Variants in RTCA observed in about 807,000 individuals in gnomAD.
The protein encoded by RTCA is RNA terminal phosphate cyclase domain 1.
Under a neutral mutation model 46.1 loss-of-function variants are expected in RTCA, and 37 were observed. That is an observed-to-expected ratio of 0.80 (90% confidence interval 0.62 to 1.06). RTCA has a LOEUF of 1.06. RTCA is among the 50% of genes least tolerant of loss of function. The pLI is 0.00. For synonymous variants in RTCA, 164 were observed against 158.3 expected (o/e 1.04, Z -0.27); for missense variants, 435 against 455.5 (o/e 0.95, Z 0.41).
At chr1:100,288,926 A>G (rs12066043) in intron 10 of RTCA, among the ~76,000 whole-genome samples, 115,768 of 151,724 alleles carry the variant, frequency 0.76, 46,291 homozygotes, top group East Asian at 0.94. Context: ...AGGTTCAAGC[A>G]ATTCTCATGC....
At chr1:100,283,943 A>AG (rs1666876075) in intron 8 of RTCA, among the ~76,000 whole-genome samples, 1 of 140,214 alleles carries the variant, frequency 7.1e-6, no homozygotes, top group African/African-American at 2.7e-5. Flanking sequence ...AAGAAAAAAA[A>AG]AAAAAAGAAA....
intron 4 of RTCA, 129 bp downstream of exon 4, chr1:100,270,809 T>C: frequency 8.3e-7 from 1 of 1,201,358 alleles, no homozygotes; most frequent in Non-Finnish European, 1.2e-6. Context: ...TTTTCTTTCT[T>C]TCTTTCTTTT....
chr1:100,277,487 T>C (rs998025365), intron 8 of RTCA, among the ~76,000 whole-genome samples, 171 bp downstream of exon 8: 1 of 152,248 alleles, frequency 6.6e-6, no homozygotes, highest in Non-Finnish European at 1.5e-5. Context: ...CCCACCTTTA[T>C]ACTTTGGAAA....
At chr1:100,290,635 A>G (rs755998695) in intron 10 of RTCA, among the ~76,000 whole-genome samples, 1 of 152,064 alleles carries the variant, frequency 6.6e-6, no homozygotes, top group African/African-American at 2.4e-5. Context: ...GCATGGTGGC[A>G]TGTGCCTGTG....
At chr1:100,281,640 A>G (rs561694569) in intron 8 of RTCA, among the ~76,000 whole-genome samples, 1 of 152,188 alleles carries the variant, frequency 6.6e-6, no homozygotes, top group South Asian at 2.1e-4. Flanking sequence ...TTTGTATAGT[A>G]ATTGCCTCAC....
In RTCA at chr1:100,285,245, G is replaced by T; in HGVS notation, c.817G>T (p.Val273Phe). The T allele has an allele frequency of 1.2e-6, 2 of 1,613,398 alleles. No individual in the cohort carries two copies. The highest frequency in any genetic ancestry group is 1.1e-5 in the South Asian group (1 of 91,064). Residue 273 changes from valine to phenylalanine, a missense_variant, in exon 9 of 11, where the codon GTT becomes TTT. Val to Phe is a conservative substitution (Grantham distance 50). Transcript: ENST00000370128. ...ATCTTAAGGTGTAAATGCAGACAAA[G>T]TTGGAATTGAAGCTGCCGAAATGCT... ...LGKRGVNADK[V>F]GIEAAEMLLA...
At chr1:100,277,887 G>A (rs1221247973) in intron 8 of RTCA, among the ~76,000 whole-genome samples, 1 of 150,346 alleles carries the variant, frequency 6.7e-6, no homozygotes. Flanking sequence ...TTTTGTTGTT[G>A]TTCATTTCAT....
At chr1:100,290,001 A>G (rs1403526749) in intron 10 of RTCA, among the ~76,000 whole-genome samples, 1 of 152,252 alleles carries the variant, frequency 6.6e-6, no homozygotes, top group Non-Finnish European at 1.5e-5. Context: ...TTTGAAAAAT[A>G]TATAAACGCA....
rs746598335 is a variant in RTCA at position 100,274,883 on chromosome 1, T to C, written c.533T>C (p.Leu178Ser). 6.2e-7 allele frequency: 1 copy of C among 1,613,754 alleles called. No individual in the cohort carries two copies. Among genetic ancestry groups the C allele is most frequent in the Non-Finnish European group, 8.5e-7 (1 of 1,179,730 alleles). ...VIVRMSPVKQ[L>S]NPINLTERGC... ...GTTCGAATGTCACCAGTTAAACAATTGAACCCTATAAATTTAACTGAGCGT... is the reference window on the plus strand; with the variant it reads ...GTTCGAATGTCACCAGTTAAACAATCGAACCCTATAAATTTAACTGAGCGT... Residue 178 changes from leucine to serine, a missense_variant, in exon 6 of 11, where the codon TTG (leucine) becomes TCG (serine). By Grantham distance (145) the Leu-to-Ser change is moderately radical. Coordinates refer to ENST00000370128, the MANE Select transcript of RTCA (RefSeq NM_003729.4).
intron 4 of RTCA, among the ~76,000 whole-genome samples, chr1:100,271,880 C>G (rs1228712067): frequency 6.6e-6 from 1 of 152,188 alleles, no homozygotes; most frequent in Non-Finnish European, 1.5e-5. Context: ...AACTGCTGAT[C>G]TGTTTTCTGT....
At chr1:100,280,386 CTT>C (rs1306049228) in intron 8 of RTCA, among the ~76,000 whole-genome samples, 2 of 152,228 alleles carry the variant, frequency 1.3e-5, no homozygotes, top group Non-Finnish European at 1.5e-5. Flanking sequence ...TTTTTTCTCA[CTT>C]TGTCACATGA....
chr1:100,274,901 CT>C lies in RTCA; in HGVS notation c.552del (p.Glu185SerfsTer5). 1 of 1,613,424 alleles carries C rather than the reference CT, an allele frequency of 6.2e-7. No homozygotes were observed. Among genetic ancestry groups the C allele is most frequent in the Non-Finnish European group, 8.5e-7 (1 of 1,179,502 alleles). On this transcript the variant is annotated frameshift_variant, in exon 6 of 11. Transcript: ENST00000370128. LOFTEE classifies it high-confidence loss of function. ...PVKQLNPINL[T>X]ERGCVTKIYG... is the part of the protein sequence containing the mutation. Reference sequence around the variant, plus strand: ...AAACAATTGAACCCTATAAATTTAACTGAGCGTGGCTGTGTGACTAAGATAT... The same window carrying C: ...AAACAATTGAACCCTATAAATTTAACGAGCGTGGCTGTGTGACTAAGATAT...
At chr1:100,279,136 G>A (rs898750477) in intron 8 of RTCA, among the ~76,000 whole-genome samples, 7 of 152,210 alleles carry the variant, frequency 4.6e-5, no homozygotes, top group African/African-American at 1.7e-4. Context: ...ACTAGGAGCA[G>A]ACATATTACA....
In RTCA at chr1:100,291,551, C is replaced by T; in HGVS notation, c.*47C>T. On this transcript the variant is annotated 3_prime_UTR_variant, in exon 11 of 11. Coordinates refer to ENST00000370128, the MANE Select transcript of RTCA (RefSeq NM_003729.4). ...ACCTCATTGATATATTGCACTATTT[C>T]ATAAATACTATAAAATAATGACTAG... 9.2e-7 allele frequency: 1 copy of T among 1,090,318 alleles called. No homozygotes were observed. The highest frequency in any genetic ancestry group is 1.4e-6 in the Non-Finnish European group (1 of 732,762). The allele number at this position is 1,090,318 out of a possible 1,614,324, so 67.5% of individuals were successfully genotyped here.
intron 10 of RTCA, among the ~76,000 whole-genome samples, chr1:100,287,756 A>G (rs932261007): frequency 6.6e-6 from 1 of 150,902 alleles, no homozygotes; most frequent in Non-Finnish European, 1.5e-5. Context: ...AGGATTTATC[A>G]TTATATGAGC....
At chr1:100,266,773 G>A (rs1018309100) in intron 2 of RTCA, 149 bp downstream of exon 2, 3 of 647,576 alleles carry the variant, frequency 4.6e-6, no homozygotes, top group Non-Finnish European at 8.0e-6. Context: ...CTCTGCCTGG[G>A]CGGTGGCCTG....
At chr1:100,269,316 A>G (rs1317133234) in intron 3 of RTCA, among the ~76,000 whole-genome samples, 2 of 151,854 alleles carry the variant, frequency 1.3e-5, no homozygotes, top group African/African-American at 4.8e-5. Flanking sequence ...AAGTAAAGCA[A>G]GGATTACTTC....
chr1:100,273,489 C>G (rs1186379042), intron 5 of RTCA, 37 bp downstream of exon 5: 13 of 1,358,548 alleles, frequency 9.6e-6, no homozygotes, highest in Non-Finnish European at 1.3e-5. Flanking sequence ...GGATCTATTA[C>G]TTACGCTAGA....
In RTCA at chr1:100,266,504, C is replaced by T; in HGVS notation, c.46-20C>T. On this transcript the variant is annotated intron_variant, in intron 1 of 10. Coordinates refer to ENST00000370128, the MANE Select transcript of RTCA (RefSeq NM_003729.4). ...ACCGGTGTGCTTACTTCTCTTCTCC[C>T]TGTACCCCAACCTTTGCAGGGCGGC... The T allele has an allele frequency of 6.2e-7, 1 of 1,611,466 alleles. No homozygotes were observed. Among genetic ancestry groups the T allele is most frequent in the South Asian group, 1.1e-5 (1 of 91,000 alleles).
Sources: gnomAD v4.1 joint callset for allele counts (sites outside exome capture counted in the v4.1 genomes callset) on GRCh38, gnomAD v4.1.1 for gene constraint, MANE v1.5 for transcripts, NCBI Gene and HGNC (gene_info 2026-07-23, HGNC 2026-07-21) for gene names.